The following PNLIPRP1 variants were observed in gnomAD, a reference collection of about 807,000 sequenced individuals.
The protein encoded by PNLIPRP1 is inactive pancreatic lipase-related protein 1.
PNLIPRP1 carries 57 observed loss-of-function variants against 54.6 expected under a neutral mutation model. That is an observed-to-expected ratio of 1.04 (90% CI 0.84 to 1.30). The LOEUF (loss-of-function observed/expected upper bound fraction) is 1.30, where lower values mean the gene tolerates loss of function less well. PNLIPRP1 is among the 50% of genes most tolerant of loss of function. The pLI is 0.00. For synonymous variants in PNLIPRP1, 232 were observed against 208.8 expected (o/e 1.11, Z -0.96); for missense variants, 567 against 568.5 (o/e 1.00, Z 0.03).
At chr10:116,595,843 G>A (rs897057131) in intron 5 of PNLIPRP1, 1 of 174,672 alleles carries the variant, frequency 5.7e-6, no homozygotes, top group African/African-American at 2.4e-5. Flanking sequence ...GATGGGGTGG[G>A]GAAAGGGCTT....
intron 10 of PNLIPRP1, among the ~76,000 whole-genome samples, chr10:116,601,684 G>A (rs1847842810): frequency 1.3e-5 from 2 of 152,150 alleles, no homozygotes; most frequent in South Asian, 4.1e-4. Context: ...GTGCAGGCAG[G>A]AATCAGGGGG....
intron 12 of PNLIPRP1, 130 bp downstream of exon 12, chr10:116,605,683 C>T (rs1158317379): frequency 8.9e-6 from 5 of 562,054 alleles, no homozygotes; most frequent in Middle Eastern, 2.8e-4. Context: ...GTGGCCCCTT[C>T]TCCCCAAACA....
chr10:116,599,227 C>T (rs1412424416), intron 8 of PNLIPRP1, among the ~76,000 whole-genome samples: 2 of 117,168 alleles, frequency 1.7e-5, no homozygotes, highest in Non-Finnish European at 3.9e-5. Context: ...TGCACCACAG[C>T]CTGGGCAACA....
intron 4 of PNLIPRP1, 90 bp from the exon 5 acceptor site, chr10:116,594,639 GA>G: frequency 7.3e-7 from 1 of 1,379,280 alleles, no homozygotes; most frequent in Non-Finnish European, 1.0e-6. Context: ...CTAGCTAGGA[GA>G]AGAGAGAAGT....
chr10:116,599,555 T>G (rs2133234994), intron 8 of PNLIPRP1, among the ~76,000 whole-genome samples: 1 of 152,316 alleles, frequency 6.6e-6, no homozygotes, highest in African/African-American at 2.4e-5. Context: ...TTTGTATAAC[T>G]GCCGCATGGA....
At chr10:116,596,170 A>T (rs529583376) in intron 5 of PNLIPRP1, 44 bp from the exon 6 acceptor site, 25 of 1,354,044 alleles carry the variant, frequency 1.8e-5, no homozygotes, top group South Asian at 1.3e-4. Context: ...TTTTAGAAAA[A>T]CCACAGCAAA....
intron 5 of PNLIPRP1, 180 bp downstream of exon 5, chr10:116,595,044 C>A: frequency 1.5e-6 from 1 of 670,930 alleles, no homozygotes; most frequent in Non-Finnish European, 2.4e-6. Flanking sequence ...AAATAAGAAT[C>A]GCTAACACTT....
At position 116,601,264 on chromosome 10, in the gene PNLIPRP1, G is replaced by A. The variant is rs1487008342; in HGVS notation, c.1063+63G>A. ...GTATATAGTTTCTGTTACAAATGAG[G>A]GGCTTGCTTTCAACCTGAAATATTT... On this transcript the variant is annotated intron_variant, in intron 10 of 12. Coordinates refer to ENST00000358834, the MANE Select transcript of PNLIPRP1 (RefSeq NM_006229.4). 4.1e-6 allele frequency: 6 copies of A among 1,458,732 alleles called. No homozygotes were observed. In the Admixed American group the frequency reaches 1.1e-4, roughly 26 times the overall value. 90.4% of individuals were successfully genotyped at this position (1,458,732 alleles called of 1,614,324 possible). A position where few individuals can be genotyped will look rare whatever the true frequency, so the allele number is the denominator to read the frequency against.
At chr10:116,605,151 G>A (rs561430752) in intron 11 of PNLIPRP1, among the ~76,000 whole-genome samples, 1 of 152,110 alleles carries the variant, frequency 6.6e-6, no homozygotes, top group South Asian at 2.1e-4. Flanking sequence ...ATGATATGCA[G>A]GAATTCTATT....
chr10:116,593,893 G>T (rs1211904642), intron 4 of PNLIPRP1: 1 of 154,898 alleles, frequency 6.5e-6, no homozygotes, highest in Non-Finnish European at 1.4e-5. Context: ...GGAGGCAGAG[G>T]TTGCAGTGAG....
At chr10:116,593,694 A>G (rs1484226624) in intron 4 of PNLIPRP1, 1 of 152,440 alleles carries the variant, frequency 6.6e-6, no homozygotes, top group African/African-American at 2.4e-5. Context: ...GCAGTGGCTC[A>G]TGCCTGTAAT....
chr10:116,591,537 G>T (rs1847635981), intron 2 of PNLIPRP1, among the ~76,000 whole-genome samples: 1 of 152,214 alleles, frequency 6.6e-6, no homozygotes, highest in Non-Finnish European at 1.5e-5. Context: ...TTTGAGGGTA[G>T]TTCTAAACAA....
intron 11 of PNLIPRP1, among the ~76,000 whole-genome samples, chr10:116,604,681 CTTT>C (rs1234478269): frequency 6.5e-4 from 61 of 94,136 alleles, no homozygotes; most frequent in African/African-American, 2.2e-3. Flanking sequence ...CTTTCTCTCT[CTTT>C]TTTTTTTTTT....
intron 5 of PNLIPRP1, 71 bp downstream of exon 5, chr10:116,594,935 C>A: frequency 6.5e-7 from 1 of 1,541,640 alleles, no homozygotes; most frequent in Admixed American, 1.8e-5. Flanking sequence ...AGAGATGCAG[C>A]TGAGAGTTAT....
At position 116,598,037 on chromosome 10, in the gene PNLIPRP1, A is replaced by C; in HGVS notation, c.695-10A>C. On this transcript the variant is annotated splice_polypyrimidine_tract_variant and intron_variant, in intron 7 of 12. Coordinates refer to ENST00000358834, the MANE Select transcript of PNLIPRP1 (RefSeq NM_006229.4). Reference sequence around the variant, plus strand: ...TGACAAAAAGCTCATTGTTTTTCTAAGCATTTCAGGTTTTGGAACGAACCA... The same window carrying C: ...TGACAAAAAGCTCATTGTTTTTCTACGCATTTCAGGTTTTGGAACGAACCA... 1 of 1,614,090 alleles carries C rather than the reference A, an allele frequency of 6.2e-7. No individual in the cohort carries two copies. The highest frequency in any genetic ancestry group is 8.5e-7 in the Non-Finnish European group (1 of 1,180,012).
At chr10:116,594,920 T>G in intron 5 of PNLIPRP1, 56 bp downstream of exon 5, 1 of 1,587,016 alleles carries the variant, frequency 6.3e-7, no homozygotes, top group Non-Finnish European at 8.6e-7. Context: ...TGGTCTCTGT[T>G]TGGTAGAGAT....
At chr10:116,608,494 T>G (rs1847974104) in intron 12 of PNLIPRP1, among the ~76,000 whole-genome samples, 4 of 152,188 alleles carry the variant, frequency 2.6e-5, no homozygotes, top group Admixed American at 2.6e-4. Context: ...TGGCATCAGA[T>G]GGACCTGTTT....
Position 116,609,004 on chromosome 10 carries a change from C to T in PNLIPRP1, c.1341-49C>T, listed in dbSNP as rs182680270. On this transcript the variant is annotated intron_variant, in intron 12 of 12. Transcript: ENST00000358834. Reference sequence around the variant, plus strand: ...AACCAAAACAAAACAAAACACCTGGCTTTTGCTAAGGTGACCCAAACTCTT... The same window carrying T: ...AACCAAAACAAAACAAAACACCTGGTTTTTGCTAAGGTGACCCAAACTCTT... 9.4e-6 allele frequency: 13 copies of T among 1,378,700 alleles called. No homozygotes were observed. In the Middle Eastern group the frequency reaches 5.4e-4, roughly 57 times the overall value. The allele number at this position is 1,378,700 out of a possible 1,614,324, so 85.4% of individuals were successfully genotyped here. A position where few individuals can be genotyped will look rare whatever the true frequency, so the allele number is the denominator to read the frequency against.
intron 10 of PNLIPRP1, among the ~76,000 whole-genome samples, chr10:116,601,858 A>G (rs12414627): frequency 0.28 from 42,493 of 152,184 alleles, 6,089 homozygotes; most frequent in East Asian, 0.46. Context: ...CACATCTTAC[A>G]TAGTTTTTAA....
Sources: gnomAD v4.1 joint callset for allele counts (sites outside exome capture counted in the v4.1 genomes callset) on GRCh38, gnomAD v4.1.1 for gene constraint, MANE v1.5 for transcripts, NCBI Gene and HGNC (gene_info 2026-07-23, HGNC 2026-07-21) for gene names.